The following RAB38 variants were observed in gnomAD, a reference collection of about 807,000 sequenced individuals.
RAB38 encodes the protein RAB38, member RAS oncogene family.
RAB38 carries 15 observed loss-of-function variants against 18.4 expected under a neutral mutation model. The ratio of observed to expected loss-of-function variants is 0.82; its 90% CI spans 0.55 to 1.26. The LOEUF (loss-of-function observed/expected upper bound fraction) is 1.26, where lower values mean the gene tolerates loss of function less well. RAB38 is among the 50% of genes most tolerant of loss of function. The pLI, the probability that RAB38 is intolerant of heterozygous loss-of-function variation, is 0.00. For synonymous variants in RAB38, 101 were observed against 104.4 expected (o/e 0.97, Z 0.20); for missense variants, 294 against 267.4 (o/e 1.10, Z -0.69).
chr11:88,035,776 TCTC>T, the RAB38 span, among the ~76,000 whole-genome samples: 1 of 152,178 alleles, frequency 6.6e-6, no homozygotes, highest in Admixed American at 6.5e-5. Flanking sequence ...TACTTAAATT[TCTC>T]CTCCTGCTTT....
the RAB38 span, among the ~76,000 whole-genome samples, chr11:88,031,743 T>C: frequency 6.6e-6 from 1 of 151,424 alleles, no homozygotes; most frequent in South Asian, 2.1e-4. Context: ...TACAAACAAA[T>C]GGAAGAACAT....
the RAB38 span, among the ~76,000 whole-genome samples, chr11:88,107,588 C>T: frequency 6.7e-6 from 1 of 149,338 alleles, no homozygotes; most frequent in African/African-American, 2.5e-5. Context: ...TGGATTCATT[C>T]GTTTGAAGGG....
At chr11:88,041,942 A>T in the RAB38 span, among the ~76,000 whole-genome samples, 11 of 152,110 alleles carry the variant, frequency 7.2e-5, no homozygotes, top group Admixed American at 7.2e-4. Flanking sequence ...ATGAGGTGCC[A>T]GTGGGTTTTA....
intron 1 of RAB38, among the ~76,000 whole-genome samples, chr11:88,174,620 C>CAAAAA (rs60026669): frequency 0.01 from 1,040 of 99,800 alleles, no homozygotes; most frequent in Non-Finnish European, 0.013. Context: ...AAGCAAAAAG[C>CAAAAA]AAAAAAAAAA....
chr11:87,967,147 G>A, the RAB38 span, among the ~76,000 whole-genome samples: 1 of 152,184 alleles, frequency 6.6e-6, no homozygotes, highest in Non-Finnish European at 1.5e-5. Flanking sequence ...AACCTACAAA[G>A]AGATTTATAT....
chr11:87,898,064 T>TA, the RAB38 span, among the ~76,000 whole-genome samples: 1 of 151,478 alleles, frequency 6.6e-6, no homozygotes, highest in Non-Finnish European at 1.5e-5. Context: ...TTCCCAAAAA[T>TA]AAAAAGAGAA....
chr11:87,944,626 G>T, the RAB38 span, among the ~76,000 whole-genome samples: 2 of 152,266 alleles, frequency 1.3e-5, no homozygotes. Context: ...AGGAACCTCT[G>T]AGAGATTCTA....
chr11:87,957,554 G>A, the RAB38 span, among the ~76,000 whole-genome samples: 70 of 152,254 alleles, frequency 4.6e-4, no homozygotes, highest in African/African-American at 3.9e-4. Flanking sequence ...AATCAACTGC[G>A]AGGAGACCAA....
At chr11:87,845,015 T>A in the RAB38 span, among the ~76,000 whole-genome samples, 4 of 152,234 alleles carry the variant, frequency 2.6e-5, no homozygotes, top group African/African-American at 9.6e-5. Context: ...ATATTTATAA[T>A]AGTCATTATC....
the RAB38 span, among the ~76,000 whole-genome samples, chr11:87,809,533 CT>C: frequency 6.6e-6 from 1 of 152,132 alleles, no homozygotes. Flanking sequence ...TGAATCAGGA[CT>C]TTTGATACTA....
the RAB38 span, among the ~76,000 whole-genome samples, chr11:87,876,096 T>C: frequency 6.6e-6 from 1 of 151,626 alleles, no homozygotes; most frequent in Non-Finnish European, 1.5e-5. Context: ...TAATTATTAC[T>C]CTATAATTTC....
the RAB38 span, among the ~76,000 whole-genome samples, chr11:87,841,226 G>C: frequency 6.6e-6 from 1 of 152,266 alleles, no homozygotes; most frequent in African/African-American, 2.4e-5. Context: ...CATGTGTCAT[G>C]AGAGGGACCC....
the RAB38 span, among the ~76,000 whole-genome samples, chr11:88,020,454 C>A: frequency 2.6e-5 from 4 of 152,106 alleles, no homozygotes; most frequent in Admixed American, 2.6e-4. Flanking sequence ...GATATATAAA[C>A]CATTTATTAT....
chr11:88,138,421 A>G (rs1001506557), intron 2 of RAB38, among the ~76,000 whole-genome samples: 1 of 152,226 alleles, frequency 6.6e-6, no homozygotes, highest in Non-Finnish European at 1.5e-5. Context: ...GTAAGTAGGT[A>G]AGAAAATTAA....
At chr11:87,924,229 T>G in the RAB38 span, among the ~76,000 whole-genome samples, 3 of 152,008 alleles carry the variant, frequency 2.0e-5, no homozygotes, top group Non-Finnish European at 4.4e-5. Context: ...GTATTTGAAC[T>G]CAAAATGCAC....
chr11:87,956,779 T>G, the RAB38 span, among the ~76,000 whole-genome samples: 2 of 152,096 alleles, frequency 1.3e-5, no homozygotes, highest in African/African-American at 4.8e-5. Context: ...AGACCCGCAT[T>G]CCAGAGGAGT....
At chr11:88,039,160 T>C in the RAB38 span, among the ~76,000 whole-genome samples, 3 of 152,172 alleles carry the variant, frequency 2.0e-5, no homozygotes, top group Non-Finnish European at 1.5e-5. Context: ...AGTTGAGAAA[T>C]AATTTAGATT....
chr11:88,169,138 T>C (rs773972745), intron 1 of RAB38, among the ~76,000 whole-genome samples: 2 of 152,146 alleles, frequency 1.3e-5, no homozygotes, highest in Non-Finnish European at 2.9e-5. Context: ...ATGTACTATC[T>C]GACTTGGAGA....
chr11:87,967,858 T>C, the RAB38 span, among the ~76,000 whole-genome samples: 24 of 152,204 alleles, frequency 1.6e-4, no homozygotes, highest in Admixed American at 1.2e-3. Flanking sequence ...ATAGGCATAA[T>C]AGGAAATGCC....
Sources: allele counts gnomAD v4.1 joint callset (sites outside exome capture counted in the v4.1 genomes callset), GRCh38; gene constraint gnomAD v4.1.1; transcripts MANE v1.5; gene names NCBI Gene and HGNC (gene_info 2026-07-23, HGNC 2026-07-21).